Variants in RANBP9 observed in about 807,000 individuals in gnomAD.
RANBP9 encodes the protein RAN binding protein 9.
RANBP9 carries 15 observed loss-of-function variants against 84.3 expected under a neutral mutation model. The observed-to-expected ratio is 0.18, with a 90% confidence interval of 0.12 to 0.27. The LOEUF is 0.27. Ranked by LOEUF, RANBP9 falls within the 10% of genes least tolerant of loss-of-function variation. The probability of loss-of-function intolerance (pLI) is 1.00; values close to 1 mark genes in which losing one functional copy is unlikely to be tolerated. For synonymous variants in RANBP9, 392 were observed against 349.6 expected (o/e 1.12, Z -1.35); for missense variants, 809 against 912.8 (o/e 0.89, Z 1.46).
chr6:13,696,711 C>CTAA, intron 2 of RANBP9, 74 bp downstream of exon 2: 1 of 1,254,394 alleles, frequency 8.0e-7, no homozygotes. Flanking sequence ...TTCCAACTTT[C>CTAA]CAATTACATC....
chr6:13,654,597 C>T (rs1019904603), intron 4 of RANBP9, among the ~76,000 whole-genome samples: 1 of 152,090 alleles, frequency 6.6e-6, no homozygotes, highest in African/African-American at 2.4e-5. Context: ...AGAACCTAGA[C>T]CAGAGGTAGG....
intron 2 of RANBP9, among the ~76,000 whole-genome samples, chr6:13,675,357 C>G (rs543080409): frequency 2.0e-4 from 31 of 152,220 alleles, no homozygotes; most frequent in African/African-American, 7.5e-4. Flanking sequence ...AGAAAGATAG[C>G]TGGAAAATCC....
intron 5 of RANBP9, 95 bp downstream of exon 5, chr6:13,652,562 TAA>T (rs1376810364): frequency 8.6e-7 from 1 of 1,165,734 alleles, no homozygotes; most frequent in Non-Finnish European, 1.2e-6. Context: ...TAAATATCAA[TAA>T]GACTGTATTT....
chr6:13,670,594 A>G (rs1478016648), intron 2 of RANBP9, among the ~76,000 whole-genome samples: 1 of 152,050 alleles, frequency 6.6e-6, no homozygotes, highest in Non-Finnish European at 1.5e-5. Context: ...CAGGAGATCG[A>G]GACCATCCTG....
chr6:13,657,037 T>C lies in RANBP9; in HGVS notation c.904+72A>G, dbSNP rs956551797. 20 of 1,380,374 alleles carry C rather than the reference T, an allele frequency of 1.4e-5. No homozygotes were observed. In the African/African-American group the frequency reaches 2.8e-4, roughly 19 times the overall value. The allele number at this position is 1,380,374 out of a possible 1,614,324, so 85.5% of individuals were successfully genotyped here. On this transcript the variant is annotated intron_variant, in intron 4 of 13. Transcript: ENST00000011619. ...CTATAAAGGAGAATCACATAATAAA[T>C]ACAACTACCATCCTGGAAGTATAAT...
chr6:13,643,702 A>T (rs935245525), intron 6 of RANBP9, among the ~76,000 whole-genome samples: 2 of 152,174 alleles, frequency 1.3e-5, no homozygotes, highest in African/African-American at 4.8e-5. Context: ...CAGAGCATTA[A>T]AACAGTGTGG....
intron 12 of RANBP9, 128 bp from the exon 13 acceptor site, chr6:13,625,892 T>A: frequency 3.3e-6 from 2 of 603,898 alleles, no homozygotes; most frequent in Non-Finnish European, 3.0e-6. Flanking sequence ...TAAACCCATT[T>A]ACTCCCAGCA....
At chr6:13,643,718 G>C (rs1359327616) in intron 6 of RANBP9, among the ~76,000 whole-genome samples, 1 of 152,052 alleles carries the variant, frequency 6.6e-6, no homozygotes, top group Non-Finnish European at 1.5e-5. Context: ...TGTGGCCCCA[G>C]AACAACCCAT....
chr6:13,646,113 G>T (rs1765169969), intron 5 of RANBP9, among the ~76,000 whole-genome samples: 1 of 152,030 alleles, frequency 6.6e-6, no homozygotes, highest in African/African-American at 2.4e-5. Context: ...GAGACCTAAA[G>T]ACTTTATAGA....
Position 13,711,146 on chromosome 6 carries a change from G to T in RANBP9, c.360C>A (p.Thr120=), listed in dbSNP as rs1172292381. The T allele has an allele frequency of 6.6e-7, 1 of 1,519,662 alleles. No homozygotes were observed. The highest frequency in any genetic ancestry group is 2.0e-5 in the Admixed American group (1 of 49,180). 94.1% of individuals were successfully genotyped at this position (1,519,662 alleles called of 1,614,324 possible). The part of the protein sequence containing the change: ...AGPGPAGGAP[T]PALVAGSSAA... ...CGCTGCTGCCCGCCACCAGAGCTGG[G>T]GTCGGGGCTCCTCCAGCCGGGCCGG... Residue 120 remains threonine, a synonymous_variant, in exon 1 of 14, where the codon ACC becomes ACA. Transcript: ENST00000011619.
At chr6:13,672,728 A>C (rs1765802566) in intron 2 of RANBP9, among the ~76,000 whole-genome samples, 1 of 152,188 alleles carries the variant, frequency 6.6e-6, no homozygotes, top group African/African-American at 2.4e-5. Context: ...TTGAATGATC[A>C]AACTGGACAT....
At chr6:13,690,111 G>A (rs1479080277) in intron 2 of RANBP9, among the ~76,000 whole-genome samples, 3 of 152,142 alleles carry the variant, frequency 2.0e-5, no homozygotes, top group Non-Finnish European at 2.9e-5. Context: ...AGTGACATAT[G>A]ACTACACTAA....
chr6:13,687,473 G>A (rs571798373), intron 2 of RANBP9, among the ~76,000 whole-genome samples: 4 of 151,688 alleles, frequency 2.6e-5, no homozygotes, highest in Admixed American at 1.3e-4. Context: ...GGGCAACAAA[G>A]TGAGGCCCTA....
At chr6:13,662,874 C>T (rs1346555021) in intron 2 of RANBP9, among the ~76,000 whole-genome samples, 1 of 150,888 alleles carries the variant, frequency 6.6e-6, no homozygotes, top group African/African-American at 2.4e-5. Context: ...CTGAAGATGG[C>T]AAAACAAATA....
At chr6:13,623,423 C>T (rs548705830) in intron 13 of RANBP9, among the ~76,000 whole-genome samples, 2 of 152,068 alleles carry the variant, frequency 1.3e-5, no homozygotes, top group African/African-American at 4.8e-5. Flanking sequence ...GAGGAAATTT[C>T]CAAAAGGGAA....
rs144666100 is a variant in RANBP9, at chr6:13,698,439, T to C, written c.572-1543A>G. Among the ~76,000 whole-genome samples the C allele has an allele frequency of 5.7e-3, 872 of 152,330 alleles. 12 individuals carry two copies. The highest frequency in any genetic ancestry group is 0.02 in the African/African-American group (817 of 41,576). ...ATTATGGTGGCAGTAAAACACATTT[T>C]TCAGTCAAAATATGTTCAAATAATT... is the stretch of plus-strand genomic sequence containing the variant. On this transcript the variant is annotated intron_variant, in intron 1 of 13. Transcript: ENST00000011619.
chr6:13,629,201 T>G (rs1048957947), intron 12 of RANBP9, among the ~76,000 whole-genome samples: 1 of 152,144 alleles, frequency 6.6e-6, no homozygotes, highest in African/African-American at 2.4e-5. Context: ...GCCTCGAGCT[T>G]CTGGGCTCAA....
At position 13,658,278 on chromosome 6, in the gene RANBP9, T is replaced by C. The variant is rs534564118; in HGVS notation, c.736+502A>G. Among the ~76,000 whole-genome samples, 6 of 61,794 alleles carry C rather than the reference T, an allele frequency of 9.7e-5. No homozygotes were observed. The South Asian group carries it at 2.7e-3, about 28-fold the overall frequency. 40.5% of individuals were successfully genotyped at this position (61,794 alleles called of 152,430 possible). On this transcript the variant is annotated intron_variant, in intron 3 of 13. Transcript: ENST00000011619. ...AAAAAAGCATGATATATATACTATATGTTTTACTAAATAGTGTGAAATTTA... is the reference window on the plus strand; with the variant it reads ...AAAAAAGCATGATATATATACTATACGTTTTACTAAATAGTGTGAAATTTA...
At chr6:13,666,577 A>G (rs1043799989) in intron 2 of RANBP9, among the ~76,000 whole-genome samples, 3 of 132,022 alleles carry the variant, frequency 2.3e-5, no homozygotes, top group African/African-American at 8.4e-5. Context: ...GGAGTTCAAG[A>G]CCAGCCTGGG....
Sources: allele counts gnomAD v4.1 joint callset (sites outside exome capture counted in the v4.1 genomes callset), GRCh38; gene constraint gnomAD v4.1.1; transcripts MANE v1.5; gene names NCBI Gene and HGNC (gene_info 2026-07-23, HGNC 2026-07-21).